The following SLC24A4 variants were observed in gnomAD, a reference collection of about 807,000 sequenced individuals.
The protein encoded by SLC24A4 is solute carrier family 24 member 4.
A neutral mutation model predicts 79.0 loss-of-function variants in SLC24A4; 53 were observed. That is an observed-to-expected ratio of 0.67 (90% confidence interval 0.54 to 0.84). The LOEUF (loss-of-function observed/expected upper bound fraction) is 0.84, where lower values mean the gene tolerates loss of function less well. SLC24A4 is among the 40% of genes least tolerant of loss of function. SLC24A4 has a pLI of 0.00. For missense variants in SLC24A4, 731 were observed against 822.0 expected (o/e 0.89, Z 1.35); for synonymous variants, 323 against 323.8 (o/e 1.00, Z 0.03).
chr14:92,342,108 G>A (rs996586668), intron 2 of SLC24A4, among the ~76,000 whole-genome samples: 20 of 152,018 alleles, frequency 1.3e-4, no homozygotes, highest in African/African-American at 4.6e-4. Context: ...CACAGTCCCC[G>A]AGCCCCAAGC....
In SLC24A4 at chr14:92,405,907, A is replaced by G. The variant is rs149736447; in HGVS notation, c.242-28005A>G. Among the ~76,000 whole-genome samples the G allele has an allele frequency of 4.4e-3, 671 of 152,310 alleles. 6 individuals are homozygous for G. The highest frequency in any genetic ancestry group is 0.015 in the African/African-American group (638 of 41,570). On this transcript the variant is annotated intron_variant, in intron 2 of 16. Transcript: ENST00000532405. ...TCAAAACCAATCATGCCTTCCCAAC[A>G]GTCCCCCAAAGTCTTAACTCATTTC...
At position 92,490,953 on chromosome 14, in the gene SLC24A4, C is replaced by T. The variant is rs1197689408; in HGVS notation, c.1538-712C>T. Among the ~76,000 whole-genome samples the T allele has an allele frequency of 2.6e-5, 4 of 152,206 alleles. No individual in the cohort carries two copies. Among genetic ancestry groups the T allele is most frequent in the South Asian group, 2.1e-4 (1 of 4,830 alleles). On this transcript the variant is annotated intron_variant, in intron 14 of 16. Coordinates refer to ENST00000532405, the MANE Select transcript of SLC24A4 (RefSeq NM_153646.4). The surrounding 1 kb of genome is among the most constrained non-coding windows in gnomAD (Gnocchi z 4.3). ...CTGTCTTCATCTTTGCCCAGGTTCT[C>T]CCTGCATGTCCAGTTTTCTCCTTTT... is the stretch of plus-strand genomic sequence containing the variant.
chr14:92,434,964 G>A (rs1271039719), intron 3 of SLC24A4, among the ~76,000 whole-genome samples: 2 of 152,012 alleles, frequency 1.3e-5, no homozygotes, highest in Non-Finnish European at 2.9e-5. Flanking sequence ...AGTAGAGACG[G>A]GGTTTAACCA....
At chr14:92,396,523 G>A (rs368456616) in intron 2 of SLC24A4, among the ~76,000 whole-genome samples, 1 of 152,182 alleles carries the variant, frequency 6.6e-6, no homozygotes, top group Non-Finnish European at 1.5e-5. Context: ...TCTGATCAAA[G>A]ACCAGAGCGT....
rs528844978 is a variant in SLC24A4 at position 92,460,014 on chromosome 14, C to A, written c.1255+3406C>A. Among the ~76,000 whole-genome samples, 3 of 152,182 alleles carry A rather than the reference C, an allele frequency of 2.0e-5. No individual in the cohort carries two copies. The South Asian group carries it at 6.2e-4, about 32-fold the overall frequency. ...GGGGCGCTGGAAGGAATCACAGGAC[C>A]AGGGGAGGAATCACAGGGCCAGGGG... On this transcript the variant is annotated intron_variant, in intron 12 of 16. Transcript: ENST00000532405.
At chr14:92,397,561 G>C (rs1005788556) in intron 2 of SLC24A4, among the ~76,000 whole-genome samples, 2 of 152,182 alleles carry the variant, frequency 1.3e-5, no homozygotes, top group Non-Finnish European at 2.9e-5. Context: ...TGGGTTCCAG[G>C]GAGATTTAAA....
At chr14:92,380,265 G>A (rs1325386266) in intron 2 of SLC24A4, among the ~76,000 whole-genome samples, 2 of 152,236 alleles carry the variant, frequency 1.3e-5, no homozygotes, top group East Asian at 3.8e-4. Flanking sequence ...AGAACCACGA[G>A]GGGAATGTTA....
intron 2 of SLC24A4, among the ~76,000 whole-genome samples, chr14:92,345,814 G>C (rs1886495985): frequency 6.6e-6 from 1 of 152,246 alleles, no homozygotes; most frequent in South Asian, 2.1e-4. Flanking sequence ...CTGTATGCCA[G>C]GCACTGGGAG....
chr14:92,429,225 G>A (rs1010859400), intron 2 of SLC24A4, among the ~76,000 whole-genome samples: 1 of 152,116 alleles, frequency 6.6e-6, no homozygotes, highest in Non-Finnish European at 1.5e-5. Context: ...GCAGGGAGGG[G>A]TGATTACAAA....
rs1484148777 is a variant in SLC24A4, at chr14:92,474,827, A to ATGTG, written c.1256-7852_1256-7851insGTGT. Among the ~76,000 whole-genome samples, 222 of 77,220 alleles carry ATGTG rather than the reference A, an allele frequency of 2.9e-3. 11 individuals are homozygous for ATGTG. Among genetic ancestry groups the ATGTG allele is most frequent in the Non-Finnish European group, 4.3e-3 (167 of 38,710 alleles). 50.7% of individuals were successfully genotyped at this position (77,220 alleles called of 152,430 possible). ...TACATATATACATATATATACATAT[A>ATGTG]TATGTGTGTGTGTGTGTATATATAT... On this transcript the variant is annotated intron_variant, in intron 12 of 16. Coordinates refer to ENST00000532405, the MANE Select transcript of SLC24A4 (RefSeq NM_153646.4).
chr14:92,333,044 G>A (rs1372352254), intron 2 of SLC24A4, among the ~76,000 whole-genome samples: 2 of 152,152 alleles, frequency 1.3e-5, no homozygotes, highest in African/African-American at 2.4e-5. Context: ...GCATAACTGG[G>A]ATAGGCATGA....
intron 12 of SLC24A4, among the ~76,000 whole-genome samples, chr14:92,472,042 G>A (rs1402753046): frequency 6.6e-6 from 1 of 152,176 alleles, no homozygotes; most frequent in African/African-American, 2.4e-5. Context: ...GGGCCCTTCA[G>A]TTCTCATAGA....
At chr14:92,376,384 T>A (rs139896862) in intron 2 of SLC24A4, among the ~76,000 whole-genome samples, 4 of 152,222 alleles carry the variant, frequency 2.6e-5, no homozygotes, top group African/African-American at 9.6e-5. Context: ...GCCCCCTTGG[T>A]CACATGGGTG....
chr14:92,458,616 G>A (rs1053422086), intron 12 of SLC24A4, among the ~76,000 whole-genome samples: 7 of 152,194 alleles, frequency 4.6e-5, no homozygotes, highest in Non-Finnish European at 1.0e-4. Flanking sequence ...ATGGCAGGGC[G>A]CTGGGAGGGC....
At chr14:92,401,575 CT>C (rs1890113624) in intron 2 of SLC24A4, among the ~76,000 whole-genome samples, 1 of 152,136 alleles carries the variant, frequency 6.6e-6, no homozygotes, top group Non-Finnish European at 1.5e-5. Flanking sequence ...CAAAGGGCCC[CT>C]CTTTGGAAGA....
intron 2 of SLC24A4, among the ~76,000 whole-genome samples, chr14:92,351,234 A>ACACGCG (rs1886843810): frequency 7.6e-6 from 1 of 130,804 alleles, no homozygotes; most frequent in Non-Finnish European, 1.8e-5. Flanking sequence ...ACACACATAC[A>ACACGCG]CGCACACACA....
intron 8 of SLC24A4, 108 bp from the exon 9 acceptor site, chr14:92,447,263 G>A (rs966897241): frequency 3.1e-5 from 29 of 936,756 alleles, no homozygotes; most frequent in South Asian, 2.4e-4. Flanking sequence ...CACTAGGGGC[G>A]GGGGAGGTAA....
chr14:92,363,359 G>A (rs905958681), intron 2 of SLC24A4, among the ~76,000 whole-genome samples: 3 of 152,240 alleles, frequency 2.0e-5, no homozygotes, highest in Admixed American at 6.5e-5. Flanking sequence ...TCCCAGGCCA[G>A]CCTGTGTGCC....
intron 2 of SLC24A4, among the ~76,000 whole-genome samples, chr14:92,347,492 C>T (rs777357714): frequency 5.9e-5 from 9 of 152,158 alleles, no homozygotes; most frequent in Admixed American, 3.3e-4. Context: ...GAAGCTTAAA[C>T]GTGTTTTATG....
Sources: gnomAD v4.1 joint callset for allele counts (sites outside exome capture counted in the v4.1 genomes callset) on GRCh38, gnomAD v4.1.1 for gene constraint, Gnocchi (gnomAD v3.1) non-coding constraint, MANE v1.5 for transcripts, NCBI Gene and HGNC (gene_info 2026-07-23, HGNC 2026-07-21) for gene names.